Variants in LRRC4B observed in about 807,000 individuals in gnomAD.
LRRC4B encodes leucine-rich repeat-containing protein 4B.
A neutral mutation model predicts 7.3 loss-of-function variants in LRRC4B; 1 was observed. The ratio of observed to expected loss-of-function variants is 0.14; its 90% CI spans 0.05 to 0.65. The LOEUF (loss-of-function observed/expected upper bound fraction) is 0.65, where lower values mean the gene tolerates loss of function less well. LRRC4B is among the 30% of genes least tolerant of loss of function. LRRC4B has a pLI of 0.84. For synonymous variants in LRRC4B, 500 were observed against 499.2 expected (o/e 1.00, Z -0.02); for missense variants, 730 against 1,041.6 (o/e 0.70, Z 4.12).
chr19:50,548,881 TGGGGGAGAGAA>T lies in LRRC4B; in HGVS notation c.-35-19_-35-9del. 3 of 433,708 alleles carry T rather than the reference TGGGGGAGAGAA, an allele frequency of 6.9e-6. No homozygotes were observed. The highest frequency in any genetic ancestry group is 6.0e-5 in the East Asian group (1 of 16,532). 26.9% of individuals were successfully genotyped at this position (433,708 alleles called of 1,614,324 possible). ...CGCGTGGACGCTGGGGGGCTGTGGG[TGGGGGAGAGAA>T]GGGGGAGAGGCTTGGTGAGGGACAG... On this transcript the variant is annotated splice_polypyrimidine_tract_variant and intron_variant, in intron 1 of 2. Coordinates refer to ENST00000652263, the MANE Select transcript of LRRC4B (RefSeq NM_001080457.2). The surrounding 1 kb of genome is among the most constrained non-coding windows in gnomAD (Gnocchi z 6.8).
Position 50,548,686 on chromosome 19 carries a change from G to C in LRRC4B, c.153C>G (p.Ser51=), listed in dbSNP as rs2122893067. ...CCACGGGGCAGGAGGTGGCCGGCGG[G>C]GAGCCCCCTCCGGCGGCAGACGTCA... ...VAVTSAAGGG[S]PPATSCPVAC... Residue 51 remains serine, a synonymous_variant, in exon 2 of 3, where the codon TCC becomes TCG. Coordinates refer to ENST00000652263, the MANE Select transcript of LRRC4B (RefSeq NM_001080457.2). The surrounding 1 kb of genome is among the most constrained non-coding windows in gnomAD (Gnocchi z 6.8). 6.4e-7 allele frequency: 1 copy of C among 1,552,086 alleles called. No homozygotes were observed. Among genetic ancestry groups the C allele is most frequent in the Non-Finnish European group, 8.7e-7 (1 of 1,151,980 alleles).
chr19:50,539,611 G>A (rs1466834592), intron 2 of LRRC4B, among the ~76,000 whole-genome samples: 1 of 151,794 alleles, frequency 6.6e-6, no homozygotes, highest in East Asian at 1.9e-4. Flanking sequence ...GTTATTGGCT[G>A]GGTGTGGTGG....
intron 2 of LRRC4B, among the ~76,000 whole-genome samples, chr19:50,536,137 CTT>C (rs36120704): frequency 1.1e-4 from 16 of 144,856 alleles, no homozygotes; most frequent in Admixed American, 1.4e-4. Flanking sequence ...GTTTACCTTC[CTT>C]TTTTTTTTTT....
Position 50,548,927 on chromosome 19 carries a change from T to G in LRRC4B, c.-35-54A>C. On this transcript the variant is annotated intron_variant, in intron 1 of 2. Transcript: ENST00000652263. The surrounding 1 kb of genome is among the most constrained non-coding windows in gnomAD (Gnocchi z 6.8). ...GCTTGGTGAGGGACAGGAGCCCATG[T>G]GGCCTGGGTGCTTGCCAACACCCAG... 1.0e-6 allele frequency: 1 copy of G among 993,696 alleles called. No homozygotes were observed. The allele number at this position is 993,696 out of a possible 1,614,324, so 61.6% of individuals were successfully genotyped here.
At position 50,545,206 on chromosome 19, in the gene LRRC4B, G is replaced by A. The variant is rs1432346969; in HGVS notation, c.297+3336C>T. On this transcript the variant is annotated intron_variant, in intron 2 of 2. Coordinates refer to ENST00000652263, the MANE Select transcript of LRRC4B (RefSeq NM_001080457.2). ...GCAGATCATCTGAGGTCGGGAGTTC[G>A]AGTCTAGCCTGACCAACATGGAGAA... Among the ~76,000 whole-genome samples, 6 of 151,710 alleles carry A rather than the reference G, an allele frequency of 4.0e-5. No homozygotes were observed. In the South Asian group the frequency reaches 1.3e-3, roughly 32 times the overall value.
At chr19:50,534,324 T>C (rs1465873642) in intron 2 of LRRC4B, among the ~76,000 whole-genome samples, 2 of 152,186 alleles carry the variant, frequency 1.3e-5, no homozygotes, top group Non-Finnish European at 2.9e-5. Context: ...ACCTCTGAAG[T>C]TGTGAGTGTC....
intron 1 of LRRC4B, among the ~76,000 whole-genome samples, chr19:50,559,166 G>A (rs1982383871): frequency 2.0e-5 from 3 of 152,218 alleles, no homozygotes; most frequent in Admixed American, 2.0e-4. Context: ...CGGGGGTGGT[G>A]GCTCACGCCT....
chr19:50,565,669 G>C (rs896988133), intron 1 of LRRC4B, among the ~76,000 whole-genome samples: 1 of 151,764 alleles, frequency 6.6e-6, no homozygotes, highest in South Asian at 2.1e-4. Flanking sequence ...AGTCAGAAGC[G>C]GCCTCTAATC....
intron 2 of LRRC4B, among the ~76,000 whole-genome samples, chr19:50,545,014 A>C (rs2122880375): frequency 6.6e-6 from 1 of 151,876 alleles, no homozygotes; most frequent in Non-Finnish European, 1.5e-5. Flanking sequence ...CAGGAGGCTG[A>C]GGCGGGAGAA....
chr19:50,548,632 C>A lies in LRRC4B; in HGVS notation c.207G>T (p.Arg69=), dbSNP rs771166120. 22 of 1,588,546 alleles carry A rather than the reference C, an allele frequency of 1.4e-5. No homozygotes were observed. Among genetic ancestry groups the A allele is most frequent in the Non-Finnish European group, 1.8e-5 (21 of 1,170,008 alleles). The change falls in exon 2 of 3, where the codon CGG becomes CGT. Residue 69 remains arginine (R), a synonymous_variant. Transcript: ENST00000652263. The surrounding 1 kb of genome is among the most constrained non-coding windows in gnomAD (Gnocchi z 6.8). The part of the protein sequence containing the change: ...VACSCSNQAS[R]VICTRRDLAE... ...CCAGGTCTCTCCGTGTGCAGATCAC[C>A]CGGCTGGCCTGGTTGCTGCAGGAGC...
In LRRC4B at chr19:50,556,499, G is replaced by T. The variant is rs756225879; in HGVS notation, c.-35-7626C>A. Among the ~76,000 whole-genome samples the T allele has an allele frequency of 6.6e-6, 1 of 152,054 alleles. No homozygotes were observed. Among genetic ancestry groups the T allele is most frequent in the Admixed American group, 6.5e-5 (1 of 15,276 alleles). ...GTCAGGGGGGGCTCTGCGTTCCCAC[G>T]ACACCTCCAGGAGGTCTTCTTTGAG... is the stretch of plus-strand genomic sequence containing the variant. On this transcript the variant is annotated intron_variant, in intron 1 of 2. Coordinates refer to ENST00000652263, the MANE Select transcript of LRRC4B (RefSeq NM_001080457.2). The surrounding 1 kb of genome is among the most constrained non-coding windows in gnomAD (Gnocchi z 4.2).
In LRRC4B at chr19:50,548,442, G is replaced by C; in HGVS notation, c.297+100C>G. 2 of 1,470,210 alleles carry C rather than the reference G, an allele frequency of 1.4e-6. No individual in the cohort carries two copies. The highest frequency in any genetic ancestry group is 1.8e-6 in the Non-Finnish European group (2 of 1,094,794). 91.1% of individuals were successfully genotyped at this position (1,470,210 alleles called of 1,614,324 possible). ...CCACATCCACAGGTGCCGGAGACGG[G>C]GAAGCCCCGGTGTGGGGAGGCCCAG... On this transcript the variant is annotated intron_variant, in intron 2 of 2. Coordinates refer to ENST00000652263, the MANE Select transcript of LRRC4B (RefSeq NM_001080457.2). The surrounding 1 kb of genome is among the most constrained non-coding windows in gnomAD (Gnocchi z 6.8).
At chr19:50,550,437 A>ACCCTCTCACGGTGGACTCTCAGGACCC (rs148581606) in intron 1 of LRRC4B, among the ~76,000 whole-genome samples, 2 of 150,160 alleles carry the variant, frequency 1.3e-5, no homozygotes, top group East Asian at 3.9e-4. Context: ...GATGGGGCAC[A>ACCCTCTCACGGTGGACTCTCAGGACCC]CCCTCTCACG....
At chr19:50,535,901 T>C (rs1599769378) in intron 2 of LRRC4B, among the ~76,000 whole-genome samples, 1 of 152,348 alleles carries the variant, frequency 6.6e-6, no homozygotes, top group Admixed American at 6.5e-5. Flanking sequence ...CATCTGAACC[T>C]GGGTGTAAAC....
At chr19:50,541,477 C>T (rs1981548550) in intron 2 of LRRC4B, among the ~76,000 whole-genome samples, 1 of 152,086 alleles carries the variant, frequency 6.6e-6, no homozygotes, top group Admixed American at 6.6e-5. Context: ...TGAAACCAGT[C>T]CCTGGTGCCA....
In LRRC4B at chr19:50,548,201, G is replaced by A. The variant is rs1433991331; in HGVS notation, c.297+341C>T. Among the ~76,000 whole-genome samples the A allele has an allele frequency of 6.6e-6, 1 of 152,312 alleles. No individual in the cohort carries two copies. Among genetic ancestry groups the A allele is most frequent in the East Asian group, 1.9e-4 (1 of 5,182 alleles). ...GGTGTGGTGGTGCAGATGCCACAGG[G>A]GTCCCTGTGAAAGGGTTGCTCTCCA... is the stretch of plus-strand genomic sequence containing the variant. On this transcript the variant is annotated intron_variant, in intron 2 of 2. Coordinates refer to ENST00000652263, the MANE Select transcript of LRRC4B (RefSeq NM_001080457.2). The surrounding 1 kb of genome is among the most constrained non-coding windows in gnomAD (Gnocchi z 6.8).
chr19:50,535,153 C>T (rs11880109), intron 2 of LRRC4B, among the ~76,000 whole-genome samples: 22,462 of 151,906 alleles, frequency 0.15, 1,753 homozygotes, highest in Non-Finnish European at 0.16. Flanking sequence ...CAGGCGTGAC[C>T]CACCACGCCC....
At chr19:50,527,595 T>C (rs1980868230) in intron 2 of LRRC4B, among the ~76,000 whole-genome samples, 1 of 152,056 alleles carries the variant, frequency 6.6e-6, no homozygotes, top group East Asian at 1.9e-4. Context: ...TTCAAAGACA[T>C]GATATGAACG....
At chr19:50,527,352 T>TC (rs1299073901) in intron 2 of LRRC4B, among the ~76,000 whole-genome samples, 1 of 141,604 alleles carries the variant, frequency 7.1e-6, no homozygotes, top group Non-Finnish European at 1.5e-5. Flanking sequence ...TTTTTTCTTT[T>TC]TTTTTTTTTT....
Sources: allele counts gnomAD v4.1 joint callset (sites outside exome capture counted in the v4.1 genomes callset), GRCh38; gene constraint gnomAD v4.1.1; non-coding constraint Gnocchi (gnomAD v3.1); transcripts MANE v1.5; gene names NCBI Gene and HGNC (gene_info 2026-07-23, HGNC 2026-07-21).